SPOCK3: variants seen among roughly 807,000 people sequenced by gnomAD.
SPOCK3 encodes SPARC (osteonectin), cwcv and kazal like domains proteoglycan 3.
In SPOCK3, 30 loss-of-function variants were observed where a neutral mutation model predicts 56.6. The observed-to-expected ratio is 0.53, with a 90% CI of 0.40 to 0.72. The LOEUF is 0.72. SPOCK3 is among the 30% of genes least tolerant of loss of function. The pLI, the probability that SPOCK3 is intolerant of heterozygous loss-of-function variation, is 0.00. For missense variants in SPOCK3, 527 were observed against 530.0 expected (o/e 0.99, Z 0.06); for synonymous variants, 196 against 183.3 (o/e 1.07, Z -0.56).
chr4:167,158,173 T>C (rs957275846), intron 2 of SPOCK3, among the ~76,000 whole-genome samples: 1 of 151,958 alleles, frequency 6.6e-6, no homozygotes, highest in Non-Finnish European at 1.5e-5. Flanking sequence ...TACTCAGTTG[T>C]AGTTTACAGT....
intron 3 of SPOCK3, among the ~76,000 whole-genome samples, chr4:167,005,388 AT>A (rs1749361722): frequency 1.3e-5 from 2 of 150,724 alleles, no homozygotes; most frequent in African/African-American, 2.4e-5. Context: ...TTTTTTTTGT[AT>A]TTTTTAGTAG....
intron 5 of SPOCK3, among the ~76,000 whole-genome samples, chr4:166,911,467 T>G (rs1040525352): frequency 3.3e-5 from 5 of 152,218 alleles, no homozygotes; most frequent in African/African-American, 1.2e-4. Context: ...AGGTTATTTA[T>G]AGATTTAATG....
intron 6 of SPOCK3, among the ~76,000 whole-genome samples, chr4:166,850,768 A>G (rs1016059777): frequency 6.6e-6 from 1 of 152,246 alleles, no homozygotes; most frequent in Admixed American, 6.5e-5. Context: ...ACGGGCTTAA[A>G]AAACGGTGCA....
At chr4:167,027,713 C>T (rs1751831829) in intron 3 of SPOCK3, among the ~76,000 whole-genome samples, 1 of 151,940 alleles carries the variant, frequency 6.6e-6, no homozygotes, top group Non-Finnish European at 1.5e-5. Context: ...TTAAGAAAAT[C>T]ATAAGGAAGA....
intron 7 of SPOCK3, among the ~76,000 whole-genome samples, chr4:166,770,124 C>T (rs948327268): frequency 1.1e-4 from 16 of 152,184 alleles, no homozygotes; most frequent in African/African-American, 3.9e-4. Context: ...TCCCTGACCC[C>T]TTGAGCTTCC....
chr4:166,884,648 G>A (rs1039910640), intron 6 of SPOCK3, among the ~76,000 whole-genome samples: 47 of 152,038 alleles, frequency 3.1e-4, no homozygotes, highest in Non-Finnish European at 1.2e-4. Flanking sequence ...AAATAGAAAT[G>A]CAAAGTTGGT....
intron 5 of SPOCK3, among the ~76,000 whole-genome samples, chr4:166,896,888 G>A (rs1735440789): frequency 6.6e-6 from 1 of 152,054 alleles, no homozygotes; most frequent in South Asian, 2.1e-4. Context: ...TTACCATCAG[G>A]ACTATATTAG....
rs1004178162 is a variant in SPOCK3 at position 167,065,263 on chromosome 4, G to C, written c.190-2726C>G. Among the ~76,000 whole-genome samples, 8 of 151,762 alleles carry C rather than the reference G, an allele frequency of 5.3e-5. No individual in the cohort carries two copies. The East Asian group carries it at 1.6e-3, about 29-fold the overall frequency. On this transcript the variant is annotated intron_variant, in intron 2 of 10. Coordinates refer to ENST00000357545, the MANE Select transcript of SPOCK3 (RefSeq NM_001040159.2). The stretch of plus-strand genomic sequence containing the variant: ...CAGAGCCCAAGAAGGTGGAAACCGT[G>C]TAGAACTGACATTGTTAGCACTGAA...
chr4:166,891,973 A>G (rs1237033153), intron 5 of SPOCK3, among the ~76,000 whole-genome samples: 1 of 151,980 alleles, frequency 6.6e-6, no homozygotes, highest in East Asian at 1.9e-4. Flanking sequence ...TTTATTTAGT[A>G]GTGATTTTTA....
chr4:166,748,523 C>G lies in SPOCK3; in HGVS notation c.931+5985G>C, dbSNP rs567645293. 2.7e-3 allele frequency among the ~76,000 whole-genome samples: 370 copies of G among 136,454 alleles called. 74 individuals are homozygous for G. The South Asian group carries it at 0.051, about 19-fold the overall frequency. 89.5% of individuals were successfully genotyped at this position (136,454 alleles called of 152,430 possible). On this transcript the variant is annotated intron_variant, in intron 8 of 10. Coordinates refer to ENST00000357545, the MANE Select transcript of SPOCK3 (RefSeq NM_001040159.2). ...AAGACTTAAATGTTAGACCTAAAGC[C>G]ATAAAAACCCTAGAAGAAAACCTAG... is the stretch of plus-strand genomic sequence containing the variant.
rs565825969 is a variant in SPOCK3, at chr4:167,038,778, C to G, written c.235+23714G>C. 3.3e-5 allele frequency among the ~76,000 whole-genome samples: 5 copies of G among 151,416 alleles called. No homozygotes were observed. In the East Asian group the frequency reaches 9.7e-4, roughly 29 times the overall value. ...TCTATATAAAGTTACAGAATTAACT[C>G]ACAAAGTAAAAGTTACAATTAATAT... On this transcript the variant is annotated intron_variant, in intron 3 of 10. Coordinates refer to ENST00000357545, the MANE Select transcript of SPOCK3 (RefSeq NM_001040159.2).
At chr4:166,832,568 A>T (rs1336556028) in intron 6 of SPOCK3, among the ~76,000 whole-genome samples, 3 of 152,190 alleles carry the variant, frequency 2.0e-5, no homozygotes, top group Non-Finnish European at 4.4e-5. Flanking sequence ...AGTGGTATAT[A>T]TTCAAAAGAA....
intron 6 of SPOCK3, among the ~76,000 whole-genome samples, chr4:166,855,427 C>T (rs1484263437): frequency 6.6e-6 from 1 of 152,134 alleles, no homozygotes; most frequent in African/African-American, 2.4e-5. Context: ...ATTGGTAACA[C>T]AGGGTTAGCA....
intron 4 of SPOCK3, among the ~76,000 whole-genome samples, chr4:166,964,650 A>G (rs567268003): frequency 2.0e-5 from 3 of 151,670 alleles, no homozygotes; most frequent in African/African-American, 7.2e-5. Context: ...TAATATTTCT[A>G]TGAGGAGATG....
intron 8 of SPOCK3, among the ~76,000 whole-genome samples, chr4:166,744,705 T>A (rs1735340758): frequency 6.6e-6 from 1 of 152,124 alleles, no homozygotes; most frequent in South Asian, 2.1e-4. Context: ...AGGGAGGATG[T>A]TCGAACCCAT....
intron 4 of SPOCK3, among the ~76,000 whole-genome samples, chr4:166,952,224 C>A (rs1742739926): frequency 1.3e-5 from 2 of 152,140 alleles, no homozygotes; most frequent in Admixed American, 6.5e-5. Flanking sequence ...TGATAAGCAA[C>A]TTCAGCAAAG....
chr4:167,211,692 G>GTC lies in SPOCK3; in HGVS notation c.189+22291_189+22292dup, dbSNP rs1479311218. 2.0e-5 allele frequency among the ~76,000 whole-genome samples: 3 copies of GTC among 152,130 alleles called. No homozygotes were observed. In the East Asian group the frequency reaches 5.8e-4, roughly 29 times the overall value. ...TTTCACCTTCTGCCATGATTGTGAG[G>GTC]TCTCTCAGCCACATGGAACTCTAAG... is the stretch of plus-strand genomic sequence containing the variant. On this transcript the variant is annotated intron_variant, in intron 2 of 10. Transcript: ENST00000357545.
At chr4:166,890,871 T>C (rs918700521) in intron 5 of SPOCK3, among the ~76,000 whole-genome samples, 2 of 152,014 alleles carry the variant, frequency 1.3e-5, no homozygotes, top group South Asian at 4.1e-4. Context: ...TCTCCCATTA[T>C]TATTGTGTGG....
rs182038738 is a variant in SPOCK3 at position 166,917,810 on chromosome 4, T to C, written c.351-5067A>G. Among the ~76,000 whole-genome samples, 583 of 152,272 alleles carry C rather than the reference T, an allele frequency of 3.8e-3. 3 individuals carry two copies. Among genetic ancestry groups the C allele is most frequent in the African/African-American group, 0.013 (558 of 41,534 alleles). On this transcript the variant is annotated intron_variant, in intron 4 of 10. Coordinates refer to ENST00000357545, the MANE Select transcript of SPOCK3 (RefSeq NM_001040159.2). ...TGAAACTGTGAGTCAATTAAACCTCTTTCCTTTACATATTACCCAGTCTCA... is the reference window on the plus strand; with the variant it reads ...TGAAACTGTGAGTCAATTAAACCTCCTTCCTTTACATATTACCCAGTCTCA...
Sources: allele counts gnomAD v4.1 joint callset (sites outside exome capture counted in the v4.1 genomes callset), GRCh38; gene constraint gnomAD v4.1.1; transcripts MANE v1.5; gene names NCBI Gene and HGNC (gene_info 2026-07-23, HGNC 2026-07-21).